CAPS2: variants seen among roughly 807,000 people sequenced by gnomAD.
CAPS2 encodes calcyphosin-2.
In CAPS2, 98 loss-of-function variants were observed where a neutral mutation model predicts 86.5. The observed-to-expected ratio is 1.13, with a 90% CI of 0.96 to 1.34. The LOEUF is 1.34. Among genes scored for constraint, CAPS2 ranks in the 40% most tolerant of loss-of-function variants. The pLI is 0.00. For missense variants in CAPS2, 729 were observed against 686.8 expected, an observed-to-expected ratio of 1.06 and a Z score of -0.69; for synonymous variants, 210 against 225.1, an observed-to-expected ratio of 0.93 and a Z score of 0.60.
At chr12:75,362,689 A>G (rs949003734) in intron 1 of CAPS2, among the ~76,000 whole-genome samples, 1 of 152,196 alleles carries the variant, frequency 6.6e-6, no homozygotes, top group African/African-American at 2.4e-5. Flanking sequence ...CAAGTCGTAC[A>G]TCATCAAATA....
intron 7 of CAPS2, among the ~76,000 whole-genome samples, chr12:75,312,291 G>A (rs2039316487): frequency 6.6e-6 from 1 of 152,120 alleles, no homozygotes; most frequent in South Asian, 2.1e-4. Flanking sequence ...GACATCACTT[G>A]CACATCAAGT....
At chr12:75,383,156 A>G (rs947289016) in intron 1 of CAPS2, among the ~76,000 whole-genome samples, 8 of 152,366 alleles carry the variant, frequency 5.3e-5, no homozygotes, top group South Asian at 2.1e-4. Flanking sequence ...TTGAAAATAT[A>G]TATCATAGAA....
chr12:75,299,923 TA>T lies in CAPS2; in HGVS notation c.780-13del. 1 of 1,203,822 alleles carries T rather than the reference TA, an allele frequency of 8.3e-7. No individual in the cohort carries two copies. The highest frequency in any genetic ancestry group is 1.1e-6 in the Non-Finnish European group (1 of 872,206). The allele number at this position is 1,203,822 out of a possible 1,614,324, so 74.6% of individuals were successfully genotyped here. A position where few individuals can be genotyped will look rare whatever the true frequency, so the allele number is the denominator to read the frequency against. On this transcript the variant is annotated splice_polypyrimidine_tract_variant and intron_variant, in intron 8 of 16. Transcript: ENST00000393284. ...AATGAGTTCTTATCCTGTTAAGAAATACATTTTGTCAGTAATTTTTCAAGAT... is the reference window on the plus strand; with the variant it reads ...AATGAGTTCTTATCCTGTTAAGAAATCATTTTGTCAGTAATTTTTCAAGAT...
intron 1 of CAPS2, among the ~76,000 whole-genome samples, chr12:75,366,253 T>C (rs2139654242): frequency 6.6e-6 from 1 of 152,274 alleles, no homozygotes; most frequent in Middle Eastern, 3.4e-3. Flanking sequence ...CCATTTTTTA[T>C]TTCAGAACTT....
chr12:75,365,033 T>C (rs923393854), intron 1 of CAPS2: 2 of 152,174 alleles, frequency 1.3e-5, no homozygotes, highest in African/African-American at 4.8e-5. Context: ...TACCCATCCT[T>C]CATTGAGAGG....
rs980530348 is a variant in CAPS2, at chr12:75,363,200, A to T, written c.-395+27638T>A. 49 of 1,225,014 alleles carry T rather than the reference A, an allele frequency of 4.0e-5. 1 individual carries two copies. The highest frequency in any genetic ancestry group is 8.5e-5 in the Admixed American group (3 of 35,262). 75.9% of individuals were successfully genotyped at this position (1,225,014 alleles called of 1,614,324 possible). A position where few individuals can be genotyped will look rare whatever the true frequency, so the allele number is the denominator to read the frequency against. ...GTAAAGAACCTCTGCAGTAAGCAAAAATATATATATATAATTACATTTAGA... is the reference window on the plus strand; with the variant it reads ...GTAAAGAACCTCTGCAGTAAGCAAATATATATATATATAATTACATTTAGA... On this transcript the variant is annotated intron_variant, in intron 1 of 5. Coordinates refer to the CAPS2 transcript ENST00000551829.
At position 75,383,109 on chromosome 12, in the gene CAPS2, A is replaced by G. The variant is rs568365201; in HGVS notation, c.-395+7729T>C. ...ATACGTATTTCATGAAACTATGATTAAATAATTCTCATGTATTACATGCCT... is the reference window on the plus strand; with the variant it reads ...ATACGTATTTCATGAAACTATGATTGAATAATTCTCATGTATTACATGCCT... On this transcript the variant is annotated intron_variant, in intron 1 of 5. Transcript: ENST00000551829. Among the ~76,000 whole-genome samples the G allele has an allele frequency of 1.2e-4, 19 of 152,362 alleles. No individual in the cohort carries two copies. In the South Asian group the frequency reaches 3.9e-3, roughly 32 times the overall value.
chr12:75,351,126 A>C (rs1328531688), intron 1 of CAPS2, among the ~76,000 whole-genome samples: 1 of 152,188 alleles, frequency 6.6e-6, no homozygotes, highest in Admixed American at 6.5e-5. Context: ...TGCTGAAATA[A>C]GGCAGGCAGA....
intron 1 of CAPS2, among the ~76,000 whole-genome samples, chr12:75,390,637 A>C (rs2139894163): frequency 6.6e-6 from 1 of 152,350 alleles, no homozygotes; most frequent in Middle Eastern, 3.4e-3. Context: ...ATGGGGAAAA[A>C]AAATTTAATT....
At chr12:75,331,108 TA>T (rs1370172247), upstream of CAPS2, among the ~76,000 whole-genome samples, 1 of 152,042 alleles carries the variant, frequency 6.6e-6, no homozygotes, top group Non-Finnish European at 1.5e-5. Flanking sequence ...GTATGCTCTG[TA>T]CACAATATCT....
intron 1 of CAPS2, among the ~76,000 whole-genome samples, chr12:75,343,308 A>G (rs1296104670): frequency 1.3e-5 from 2 of 151,832 alleles, no homozygotes; most frequent in Non-Finnish European, 1.5e-5. Flanking sequence ...TTTTCTTTCT[A>G]TTCCTAGTTT....
At position 75,389,366 on chromosome 12, in the gene CAPS2, G is replaced by A. The variant is rs538815301; in HGVS notation, c.-395+1472C>T. Among the ~76,000 whole-genome samples the A allele has an allele frequency of 3.3e-5, 5 of 152,292 alleles. No homozygotes were observed. The South Asian group carries it at 1.0e-3, about 32-fold the overall frequency. ...TACCAAGGAAATATTTATTGAATGA[G>A]ATGTCTAGCAGTGGAATGGGCTTCC... On this transcript the variant is annotated intron_variant, in intron 1 of 5. Coordinates refer to the CAPS2 transcript ENST00000551829.
chr12:75,289,743 C>T, exon 14 of CAPS2: 1 of 1,612,650 alleles, frequency 6.2e-7, no homozygotes. Context: ...AAAATACGAA[C>T]ACCTCTTTTA....
chr12:75,381,806 G>T (rs2045006855), intron 1 of CAPS2, among the ~76,000 whole-genome samples: 1 of 151,734 alleles, frequency 6.6e-6, no homozygotes, highest in South Asian at 2.1e-4. Context: ...GTAGAGACAG[G>T]GTTTCACCAT....
chr12:75,339,176 A>C lies in CAPS2; in HGVS notation c.-394-15954T>G, dbSNP rs188704618. 9.2e-5 allele frequency among the ~76,000 whole-genome samples: 14 copies of C among 152,320 alleles called. No homozygotes were observed. In the East Asian group the frequency reaches 2.7e-3, roughly 29 times the overall value. On this transcript the variant is annotated intron_variant, in intron 1 of 5. Transcript: ENST00000551829. ...GACTCTAGATCTTTGAGGAATTGCC[A>C]CACTGTCCTCCACAATGGGTAAACT...
chr12:75,289,224 A>C (rs1593243341), intron 14 of CAPS2, among the ~76,000 whole-genome samples: 3 of 152,012 alleles, frequency 2.0e-5, no homozygotes, highest in African/African-American at 7.2e-5. Flanking sequence ...CTCAGCTTAG[A>C]TGTATCCTCC....
At chr12:75,323,037 A>T in exon 4 of CAPS2, 1 of 1,550,814 alleles carries the variant, frequency 6.4e-7, no homozygotes, top group South Asian at 1.2e-5. Flanking sequence ...CAAGAGTAGA[A>T]GATGAATTTG....
chr12:75,316,108 A>G (rs1199005103), intron 6 of CAPS2, among the ~76,000 whole-genome samples: 1 of 152,096 alleles, frequency 6.6e-6, no homozygotes, highest in South Asian at 2.1e-4. Context: ...CAAACACCTA[A>G]AGATTCCAGA....
At chr12:75,278,251 T>A in exon 17 of CAPS2, 1 of 982,834 alleles carries the variant, frequency 1.0e-6, no homozygotes, top group Non-Finnish European at 1.2e-6. Flanking sequence ...AGTACATAAT[T>A]TAGAAGACAG....
Sources: allele counts gnomAD v4.1 joint callset (sites outside exome capture counted in the v4.1 genomes callset), GRCh38; gene constraint gnomAD v4.1.1; transcripts MANE v1.5; gene names NCBI Gene and HGNC (gene_info 2026-07-23, HGNC 2026-07-21).